CNOT10: variants seen among roughly 807,000 people sequenced by gnomAD.
CNOT10 encodes CCR4-NOT transcription complex, subunit 10.
Under a neutral mutation model 94.6 loss-of-function variants are expected in CNOT10, and 30 were observed. The ratio of observed to expected loss-of-function variants is 0.32; its 90% CI spans 0.24 to 0.43. The LOEUF (loss-of-function observed/expected upper bound fraction) is 0.43. CNOT10 is among the 20% of genes least tolerant of loss of function. CNOT10 has a pLI of 1.00. For synonymous variants in CNOT10, 289 were observed against 301.6 expected, an observed-to-expected ratio of 0.96 and a Z score of 0.43; for missense variants, 759 against 877.2, an observed-to-expected ratio of 0.87 and a Z score of 1.70.
chr3:32,757,170 A>ATTTTTTTTTTTTTTT (rs1173513009), intron 13 of CNOT10, among the ~76,000 whole-genome samples: 9 of 78,294 alleles, frequency 1.1e-4, no homozygotes, highest in Admixed American at 4.8e-4. Context: ...CCCTGAACTA[A>ATTTTTTTTTTTTTTT]TTTTTTTTTT....
chr3:32,703,298 G>C (rs545322920), intron 1 of CNOT10, among the ~76,000 whole-genome samples: 1 of 151,984 alleles, frequency 6.6e-6, no homozygotes, highest in Admixed American at 6.6e-5. Context: ...GAAAACTAGG[G>C]ACAAATTCAC....
chr3:32,696,909 C>T (rs1421269321), intron 1 of CNOT10, among the ~76,000 whole-genome samples: 1 of 151,908 alleles, frequency 6.6e-6, no homozygotes, highest in East Asian at 1.9e-4. Flanking sequence ...ATTGGCTTCT[C>T]TCCTTTTCTG....
intron 1 of CNOT10, among the ~76,000 whole-genome samples, chr3:32,692,195 C>T (rs939939641): frequency 6.6e-6 from 1 of 152,142 alleles, no homozygotes; most frequent in Non-Finnish European, 1.5e-5. Flanking sequence ...AACCCTGTCT[C>T]TACAAAAAAT....
intron 13 of CNOT10, among the ~76,000 whole-genome samples, chr3:32,739,166 A>G (rs1455494776): frequency 6.6e-6 from 1 of 152,134 alleles, no homozygotes; most frequent in Non-Finnish European, 1.5e-5. Context: ...TCAGCCTCCC[A>G]AAGTTTTGGG....
chr3:32,686,122 A>G (rs1179756419), intron 1 of CNOT10, among the ~76,000 whole-genome samples: 1 of 152,040 alleles, frequency 6.6e-6, no homozygotes, highest in Non-Finnish European at 1.5e-5. Context: ...TTGGTACTTA[A>G]TTGCTCTAGT....
chr3:32,763,375 G>T (rs1221280669), intron 15 of CNOT10, among the ~76,000 whole-genome samples: 1 of 152,152 alleles, frequency 6.6e-6, no homozygotes, highest in Non-Finnish European at 1.5e-5. Context: ...TAATTGTCGG[G>T]TGCGGTGGCT....
chr3:32,753,313 T>C, intron 13 of CNOT10: 1 of 1,003,732 alleles, frequency 1.0e-6, no homozygotes, highest in Admixed American at 1.7e-5. Flanking sequence ...TGTGGACTCA[T>C]CAGTCAAAAA....
At chr3:32,764,128 C>CAAA in intron 15 of CNOT10, 1 of 207,232 alleles carries the variant, frequency 4.8e-6, no homozygotes, top group Non-Finnish European at 9.1e-6. Flanking sequence ...ACTCCATCTC[C>CAAA]AAAAAAAAAA....
At chr3:32,737,594 GCT>G in intron 13 of CNOT10, 104 bp downstream of exon 13, 1 of 650,066 alleles carries the variant, frequency 1.5e-6, no homozygotes, top group Admixed American at 3.0e-5. Flanking sequence ...GGAGGCCGAG[GCT>G]GGTGGATCAC....
intron 13 of CNOT10, among the ~76,000 whole-genome samples, chr3:32,740,759 G>A (rs1277574944): frequency 6.6e-6 from 1 of 151,922 alleles, no homozygotes; most frequent in African/African-American, 2.4e-5. Context: ...CTACGCGGGA[G>A]GCTGAGCCAG....
At chr3:32,712,163 G>GTTTTTTTTTTTT (rs112756771) in intron 4 of CNOT10, among the ~76,000 whole-genome samples, 1 of 141,072 alleles carries the variant, frequency 7.1e-6, no homozygotes, top group African/African-American at 2.6e-5. Flanking sequence ...GTGTTTGTTT[G>GTTTTTTTTTTTT]TTTTTTTTTT....
intron 8 of CNOT10, among the ~76,000 whole-genome samples, chr3:32,720,929 TC>T (rs1378723923): frequency 1.4e-5 from 2 of 140,868 alleles, no homozygotes; most frequent in East Asian, 2.1e-4. Context: ...CTTCCTTCCT[TC>T]CTTCCCTTCT....
At chr3:32,712,124 T>A (rs1285673958) in intron 4 of CNOT10, among the ~76,000 whole-genome samples, 2 of 151,972 alleles carry the variant, frequency 1.3e-5, no homozygotes, top group Non-Finnish European at 2.9e-5. Context: ...CTCCAGCCCA[T>A]ACCTTGCTGC....
At chr3:32,727,911 C>T (rs1445067649) in intron 10 of CNOT10, 41 bp downstream of exon 10, 2 of 1,449,446 alleles carry the variant, frequency 1.4e-6, no homozygotes, top group Non-Finnish European at 1.9e-6. Flanking sequence ...CTGTCTTCTC[C>T]CCACTTACTA....
chr3:32,703,814 G>T, intron 1 of CNOT10, 54 bp from the exon 2 acceptor site: 1 of 1,207,514 alleles, frequency 8.3e-7, no homozygotes, highest in South Asian at 1.3e-5. Flanking sequence ...GGATAAGGAG[G>T]GACCACTGTA....
At chr3:32,771,965 C>T (rs911595922) in intron 18 of CNOT10, among the ~76,000 whole-genome samples, 2 of 152,170 alleles carry the variant, frequency 1.3e-5, no homozygotes, top group Non-Finnish European at 2.9e-5. Context: ...CATATACGAT[C>T]TCCAAGATGT....
At chr3:32,724,044 C>T (rs920182030) in intron 8 of CNOT10, among the ~76,000 whole-genome samples, 2 of 152,040 alleles carry the variant, frequency 1.3e-5, no homozygotes, top group African/African-American at 4.8e-5. Flanking sequence ...TATGCCACTG[C>T]ACTGTAGGCT....
intron 18 of CNOT10, 86 bp from the exon 19 acceptor site, chr3:32,773,371 A>G (rs576506356): frequency 7.3e-7 from 1 of 1,369,412 alleles, no homozygotes; most frequent in African/African-American, 1.5e-5. Context: ...ATCATCTTTT[A>G]CCTCCCCAGC....
At chr3:32,725,670 G>T in intron 9 of CNOT10, 71 bp downstream of exon 9, 1 of 1,379,934 alleles carries the variant, frequency 7.2e-7, no homozygotes, top group South Asian at 1.4e-5. Flanking sequence ...GCATGAATGT[G>T]GTTAAAATAC....
Sources: allele counts gnomAD v4.1 joint callset (sites outside exome capture counted in the v4.1 genomes callset), GRCh38; gene constraint gnomAD v4.1.1; transcripts MANE v1.5; gene names NCBI Gene and HGNC (gene_info 2026-07-23, HGNC 2026-07-21).